The following LEPROTL1 variants were observed in gnomAD, a reference collection of about 807,000 sequenced individuals.
LEPROTL1 encodes leptin receptor overlapping transcript like 1.
In LEPROTL1, 6 loss-of-function variants were observed where a neutral mutation model predicts 15.4. That is an observed-to-expected ratio of 0.39 (90% CI 0.21 to 0.77). The LOEUF (loss-of-function observed/expected upper bound fraction) is 0.77. Among genes scored for constraint, LEPROTL1 ranks in the 30% least tolerant of loss-of-function variants. LEPROTL1 has a pLI of 0.41. For missense variants in LEPROTL1, 128 were observed against 158.1 expected (o/e 0.81, Z 1.02); for synonymous variants, 56 against 52.6 (o/e 1.06, Z -0.28).
chr8:30,117,903 A>G, intron 3 of LEPROTL1: 1 of 513,488 alleles, frequency 1.9e-6, no homozygotes, highest in Non-Finnish European at 3.4e-6. Context: ...TGGTTATTTA[A>G]AATTACATTG....
chr8:30,131,484 A>G (rs1231786138), intron 3 of LEPROTL1, among the ~76,000 whole-genome samples: 1 of 152,078 alleles, frequency 6.6e-6, no homozygotes, highest in African/African-American at 2.4e-5. Flanking sequence ...AAAAAAGTTC[A>G]AACCTAATAA....
chr8:30,134,721 T>C (rs1033946560), intron 4 of LEPROTL1, among the ~76,000 whole-genome samples: 2 of 152,060 alleles, frequency 1.3e-5, no homozygotes, highest in African/African-American at 4.8e-5. Context: ...CTAATTTTTG[T>C]ATTTTTAGTA....
At position 30,108,033 on chromosome 8, in the gene LEPROTL1, T is replaced by C; in HGVS notation, c.*2171T>C. 3.2e-6 allele frequency: 3 copies of C among 923,672 alleles called. No homozygotes were observed. Among genetic ancestry groups the C allele is most frequent in the Non-Finnish European group, 3.9e-6 (3 of 773,750 alleles). The allele number at this position is 923,672 out of a possible 1,614,324, so 57.2% of individuals were successfully genotyped here. On this transcript the variant is annotated 3_prime_UTR_variant, in exon 4 of 4. Coordinates refer to ENST00000321250, the MANE Select transcript of LEPROTL1 (RefSeq NM_015344.3). ...CCATTCTTCTATGGAAAGAAAACTT[T>C]TGATGATGAAACAATAAAGATTTTA... is the stretch of plus-strand genomic sequence containing the variant.
In LEPROTL1 at chr8:30,095,443, C is replaced by T. The variant is rs1802342449; in HGVS notation, c.-70C>T. ...GTGTTGTCTGGCCGCCGTAGCGCGT[C>T]TTGGGTCTCCCGGCTGCCGCTGCTG... On this transcript the variant is annotated 5_prime_UTR_variant, in exon 1 of 4. Transcript: ENST00000321250. 6.9e-7 allele frequency: 1 copy of T among 1,444,710 alleles called. No individual in the cohort carries two copies. The highest frequency in any genetic ancestry group is 3.1e-5 in the East Asian group (1 of 32,472). 89.5% of individuals were successfully genotyped at this position (1,444,710 alleles called of 1,614,324 possible). A position where few individuals can be genotyped will look rare whatever the true frequency, so the allele number is the denominator to read the frequency against.
chr8:30,122,997 A>C (rs765352287), intron 3 of LEPROTL1, among the ~76,000 whole-genome samples: 1 of 152,156 alleles, frequency 6.6e-6, no homozygotes, highest in Non-Finnish European at 1.5e-5. Context: ...TCTGCTCCAC[A>C]TGGTGTCAGC....
chr8:30,130,776 A>AC (rs1306742415), intron 3 of LEPROTL1, among the ~76,000 whole-genome samples: 2 of 108,582 alleles, frequency 1.8e-5, no homozygotes, highest in Admixed American at 2.4e-4. Flanking sequence ...AATTTTCAAA[A>AC]AAAAATTTTT....
At chr8:30,112,925 C>G (rs2117500085), downstream of LEPROTL1, among the ~76,000 whole-genome samples, 1 of 152,102 alleles carries the variant, frequency 6.6e-6, no homozygotes, top group East Asian at 1.9e-4. Flanking sequence ...ATCTACTGGA[C>G]TAAGCATATT....
chr8:30,116,491 G>T (rs1802742805), intron 3 of LEPROTL1, among the ~76,000 whole-genome samples: 1 of 152,168 alleles, frequency 6.6e-6, no homozygotes, highest in South Asian at 2.1e-4. Flanking sequence ...AATAGAGCTT[G>T]TGATCCTGTG....
chr8:30,104,711 T>A, intron 3 of LEPROTL1: 1 of 368,708 alleles, frequency 2.7e-6, no homozygotes, highest in Non-Finnish European at 4.8e-6. Context: ...TACTTTTTTT[T>A]TTCTTTTTTT....
At chr8:30,104,205 C>A in intron 2 of LEPROTL1, 95 bp from the exon 3 acceptor site, 1 of 694,210 alleles carries the variant, frequency 1.4e-6, no homozygotes, top group Non-Finnish European at 2.2e-6. Context: ...CATTAGAAGT[C>A]AAGCGATTGA....
intron 1 of LEPROTL1, among the ~76,000 whole-genome samples, chr8:30,098,886 G>A (rs568510024): frequency 6.6e-6 from 1 of 152,330 alleles, no homozygotes; most frequent in East Asian, 1.9e-4. Context: ...GGAAATCGCA[G>A]CTGATAATTG....
chr8:30,109,626 C>A (rs1563215345), downstream of LEPROTL1, among the ~76,000 whole-genome samples: 1 of 152,108 alleles, frequency 6.6e-6, no homozygotes, highest in East Asian at 1.9e-4. Context: ...TTTCATACAA[C>A]TGAGTATTTG....
exon 5 of LEPROTL1, chr8:30,137,612 T>G: frequency 1.2e-6 from 1 of 818,374 alleles, no homozygotes; most frequent in East Asian, 2.7e-5. Context: ...ATTGCAAAAT[T>G]ATAACTGAGA....
At chr8:30,134,121 T>C (rs192643124) in intron 4 of LEPROTL1, among the ~76,000 whole-genome samples, 1 of 152,290 alleles carries the variant, frequency 6.6e-6, no homozygotes, top group Non-Finnish European at 1.5e-5. Flanking sequence ...CTTATTTTTC[T>C]CTTAAAAAAC....
intron 3 of LEPROTL1, among the ~76,000 whole-genome samples, chr8:30,128,090 C>G (rs1237623128): frequency 6.6e-6 from 1 of 152,220 alleles, no homozygotes; most frequent in East Asian, 1.9e-4. Context: ...GGAGACACCT[C>G]CTCTCTGTTT....
At chr8:30,137,015 A>C (rs1803162331) in intron 4 of LEPROTL1, among the ~76,000 whole-genome samples, 2 of 152,036 alleles carry the variant, frequency 1.3e-5, no homozygotes, top group Admixed American at 1.3e-4. Flanking sequence ...GAAAATTAAA[A>C]AAAAAAATTC....
At chr8:30,104,715 T>C (rs909885803) in intron 3 of LEPROTL1, 13 of 120,466 alleles carry the variant, frequency 1.1e-4, no homozygotes, top group Non-Finnish European at 1.4e-4. Flanking sequence ...TTTTTTTTTC[T>C]TTTTTTTTTT....
intron 1 of LEPROTL1, among the ~76,000 whole-genome samples, chr8:30,100,327 T>G (rs1802445370): frequency 6.6e-6 from 1 of 152,248 alleles, no homozygotes; most frequent in South Asian, 2.1e-4. Context: ...TACAAATCTT[T>G]CGAATTTTAA....
At chr8:30,096,000 C>T (rs1802358002) in intron 1 of LEPROTL1, 1 of 629,828 alleles carries the variant, frequency 1.6e-6, no homozygotes, top group Non-Finnish European at 2.9e-6. Flanking sequence ...CTGCACGGGT[C>T]TGCCCGAAAC....
Sources: allele counts gnomAD v4.1 joint callset (sites outside exome capture counted in the v4.1 genomes callset), GRCh38; gene constraint gnomAD v4.1.1; transcripts MANE v1.5; gene names NCBI Gene and HGNC (gene_info 2026-07-23, HGNC 2026-07-21).